Variants in MEIOB observed in about 807,000 individuals in gnomAD.
The protein encoded by MEIOB is meiosis-specific with OB domain-containing protein.
Under a neutral mutation model 53.1 loss-of-function variants are expected in MEIOB, and 50 were observed. The ratio of observed to expected loss-of-function variants is 0.94; its 90% CI spans 0.75 to 1.19. MEIOB has a LOEUF of 1.19. Ranked by LOEUF, MEIOB falls within the 50% of genes most tolerant of loss-of-function variation. The pLI is 0.00. For missense variants in MEIOB, 551 were observed against 550.8 expected, an observed-to-expected ratio of 1.00 and a Z score of 0.00; for synonymous variants, 192 against 182.5, an observed-to-expected ratio of 1.05 and a Z score of -0.42.
chr16:1,861,039 A>G (rs2150821675), intron 4 of MEIOB, among the ~76,000 whole-genome samples: 1 of 152,278 alleles, frequency 6.6e-6, no homozygotes, highest in East Asian at 1.9e-4. Flanking sequence ...ACGTTATACT[A>G]GGTACACCAT....
intron 13 of MEIOB, among the ~76,000 whole-genome samples, chr16:1,836,762 T>A (rs2142073214): frequency 6.8e-6 from 1 of 147,368 alleles, no homozygotes. Flanking sequence ...AATTTCATAA[T>A]AACACTAATT....
intron 5 of MEIOB, 34 bp from the exon 6 acceptor site, chr16:1,857,964 A>AATAT: frequency 7.2e-7 from 1 of 1,387,048 alleles, no homozygotes; most frequent in East Asian, 2.5e-5. Flanking sequence ...GTTATTTGAA[A>AATAT]GTGATCTTTG....
In MEIOB at chr16:1,871,303, T is replaced by C. The variant is rs1228731828; in HGVS notation, c.-10+690A>G. Reference sequence around the variant, plus strand: ...GGCGCAATCTCGGCTCACTACAAGCTCCGCCTCCCGGGTTCACGCCATTCT... The same window carrying C: ...GGCGCAATCTCGGCTCACTACAAGCCCCGCCTCCCGGGTTCACGCCATTCT... On this transcript the variant is annotated intron_variant, in intron 1 of 13. Transcript: ENST00000325962. Among the ~76,000 whole-genome samples the C allele has an allele frequency of 4.1e-5, 6 of 144,606 alleles. No homozygotes were observed. In the Admixed American group the frequency reaches 4.2e-4, roughly 10 times the overall value. 94.9% of individuals were successfully genotyped at this position (144,606 alleles called of 152,430 possible). A position where few individuals can be genotyped will look rare whatever the true frequency, so the allele number is the denominator to read the frequency against.
Position 1,834,385 on chromosome 16 carries a change from A to T in MEIOB, c.1306-19T>A. 7.6e-7 allele frequency: 1 copy of T among 1,311,420 alleles called. No homozygotes were observed. Among genetic ancestry groups the T allele is most frequent in the Non-Finnish European group, 1.1e-6 (1 of 915,920 alleles). 81.2% of individuals were successfully genotyped at this position (1,311,420 alleles called of 1,614,324 possible). ...GAACGAACTGCGAGGAGAAACAGAA[A>T]AAGAGACAAAAGGTTAATTTTTAAA... On this transcript the variant is annotated intron_variant, in intron 13 of 13. Transcript: ENST00000325962.
chr16:1,868,181 T>A lies in MEIOB; in HGVS notation c.-6A>T, dbSNP rs939289850. The A allele has an allele frequency of 1.0e-5, 15 of 1,483,442 alleles. No individual in the cohort carries two copies. In the Admixed American group the frequency reaches 2.2e-4, roughly 22 times the overall value. The allele number at this position is 1,483,442 out of a possible 1,614,324, so 91.9% of individuals were successfully genotyped here. A position where few individuals can be genotyped will look rare whatever the true frequency, so the allele number is the denominator to read the frequency against. On this transcript the variant is annotated 5_prime_UTR_variant, in exon 2 of 14. Coordinates refer to ENST00000325962, the MANE Select transcript of MEIOB (RefSeq NM_001163560.3). ...GCTGCAAAGGAGTTTGCCATTTTTTTAATCTGCATTTTAGAAAATATAATT... is the reference window on the plus strand; with the variant it reads ...GCTGCAAAGGAGTTTGCCATTTTTTAAATCTGCATTTTAGAAAATATAATT...
At chr16:1,871,587 C>T (rs1899752455) in intron 1 of MEIOB, among the ~76,000 whole-genome samples, 1 of 124,804 alleles carries the variant, frequency 8.0e-6, no homozygotes, top group Non-Finnish European at 1.6e-5. Context: ...TGCAATGGTG[C>T]GATCTTGGTT....
At chr16:1,852,324 G>A (rs372708960) in intron 9 of MEIOB, among the ~76,000 whole-genome samples, 13 of 127,350 alleles carry the variant, frequency 1.0e-4, no homozygotes, top group African/African-American at 3.6e-4. Flanking sequence ...GCGCAGTGGT[G>A]CAATCTCGGC....
At chr16:1,855,425 C>A (rs1473222134) in intron 6 of MEIOB, among the ~76,000 whole-genome samples, 7 of 151,018 alleles carry the variant, frequency 4.6e-5, no homozygotes, top group Non-Finnish European at 1.0e-4. Context: ...GGTGACAGAG[C>A]AAGACTCCAT....
At chr16:1,849,397 T>A (rs573075852) in intron 9 of MEIOB, among the ~76,000 whole-genome samples, 1 of 151,936 alleles carries the variant, frequency 6.6e-6, no homozygotes, top group South Asian at 2.1e-4. Flanking sequence ...TACAAAAAAA[T>A]TAGCTGGGTG....
At chr16:1,846,938 C>G (rs1239290997) in intron 9 of MEIOB, among the ~76,000 whole-genome samples, 1 of 145,896 alleles carries the variant, frequency 6.9e-6, no homozygotes, top group Non-Finnish European at 1.5e-5. Flanking sequence ...GGGCGGATCA[C>G]GAGGTCAGGA....
chr16:1,842,453 TAAAAA>T (rs74460539), intron 10 of MEIOB, among the ~76,000 whole-genome samples: 6 of 124,762 alleles, frequency 4.8e-5, no homozygotes, highest in African/African-American at 1.8e-4. Context: ...TGTCTCTACT[TAAAAA>T]AAAAAAAAAA....
rs148949232 is a variant in MEIOB at position 1,854,636 on chromosome 16, A to T, written c.529-436T>A. Among the ~76,000 whole-genome samples, 864 of 152,280 alleles carry T rather than the reference A, an allele frequency of 5.7e-3. 6 individuals carry two copies. The highest frequency in any genetic ancestry group is 0.02 in the African/African-American group (817 of 41,550). ...CCTCCGTCTTCTTAGTGAACATCAA[A>T]TACAGCATATCTGTGGTATAAAAAG... On this transcript the variant is annotated intron_variant, in intron 6 of 13. Transcript: ENST00000325962.
intron 9 of MEIOB, among the ~76,000 whole-genome samples, chr16:1,850,080 A>T (rs757192177): frequency 7.2e-5 from 11 of 152,114 alleles, no homozygotes; most frequent in Non-Finnish European, 1.5e-4. Context: ...ATACTTTGAC[A>T]TTTTTTTCTT....
intron 10 of MEIOB, among the ~76,000 whole-genome samples, chr16:1,843,021 G>T (rs1418658298): frequency 6.7e-6 from 1 of 148,980 alleles, no homozygotes; most frequent in African/African-American, 2.5e-5. Context: ...ACAGCCAGGC[G>T]CAGTGGCTCA....
chr16:1,862,213 T>C (rs1261293602), intron 3 of MEIOB, 97 bp from the exon 4 acceptor site: 4 of 894,724 alleles, frequency 4.5e-6, no homozygotes, highest in Non-Finnish European at 6.7e-6. Context: ...ATTTCAATTA[T>C]AAACAAATGA....
At chr16:1,867,606 G>A (rs977687230) in intron 2 of MEIOB, among the ~76,000 whole-genome samples, 2 of 150,792 alleles carry the variant, frequency 1.3e-5, no homozygotes, top group African/African-American at 4.9e-5. Context: ...CTGAGTACCT[G>A]GGATTACAGG....
At chr16:1,838,227 T>C (rs1280429238) in intron 12 of MEIOB, 6 of 421,654 alleles carry the variant, frequency 1.4e-5, no homozygotes, top group Non-Finnish European at 2.5e-5. Flanking sequence ...CTTGAACTCC[T>C]GGCCTCAAGT....
At chr16:1,846,983 C>T (rs1899042052) in intron 9 of MEIOB, among the ~76,000 whole-genome samples, 2 of 151,912 alleles carry the variant, frequency 1.3e-5, no homozygotes, top group African/African-American at 2.4e-5. Context: ...GGTGAAACCC[C>T]GTCTCTACTA....
intron 13 of MEIOB, among the ~76,000 whole-genome samples, chr16:1,834,657 G>T (rs1367939191): frequency 6.6e-6 from 1 of 152,258 alleles, no homozygotes; most frequent in Non-Finnish European, 1.5e-5. Context: ...CCGGGTGCTG[G>T]TGCAGTGGCT....
Sources: gnomAD v4.1 joint callset for allele counts (sites outside exome capture counted in the v4.1 genomes callset) on GRCh38, gnomAD v4.1.1 for gene constraint, MANE v1.5 for transcripts, NCBI Gene and HGNC (gene_info 2026-07-23, HGNC 2026-07-21) for gene names.